Variants in C1orf105 observed in about 807,000 individuals in gnomAD.
The protein encoded by C1orf105 is uncharacterized protein C1orf105.
In C1orf105, 17 loss-of-function variants were observed where a neutral mutation model predicts 20.8. That is an observed-to-expected ratio of 0.82 (90% confidence interval 0.56 to 1.23). C1orf105 has a LOEUF of 1.23. Among genes scored for constraint, C1orf105 ranks in the 50% most tolerant of loss-of-function variants. The probability of loss-of-function intolerance (pLI) is 0.00; values close to 1 mark genes in which losing one functional copy is unlikely to be tolerated. For missense variants in C1orf105, 219 were observed against 213.5 expected (o/e 1.03, Z -0.16); for synonymous variants, 72 against 72.1 (o/e 1.00, Z 0.01).
intron 3 of C1orf105, 125 bp downstream of exon 3, chr1:172,448,656 T>C: frequency 1.7e-6 from 1 of 604,454 alleles, no homozygotes; most frequent in Non-Finnish European, 3.0e-6. Flanking sequence ...CAATAAATAT[T>C]TGTTAAATGA....
At chr1:172,461,402 ACCTGC>A (rs1649683978) in intron 4 of C1orf105, among the ~76,000 whole-genome samples, 2 of 152,230 alleles carry the variant, frequency 1.3e-5, no homozygotes, top group Non-Finnish European at 2.9e-5. Flanking sequence ...GTAGTTGAAC[ACCTGC>A]ACCCACATCT....
At chr1:172,452,829 C>G in intron 3 of C1orf105, 1 of 1,406,056 alleles carries the variant, frequency 7.1e-7, no homozygotes, top group Non-Finnish European at 9.2e-7. Context: ...AATGAGGGCC[C>G]CATTAACATT....
chr1:172,468,302 G>A (rs1263097863), intron 6 of C1orf105, 147 bp from the exon 7 acceptor site: 6 of 585,448 alleles, frequency 1.0e-5, no homozygotes, highest in Non-Finnish European at 1.6e-5. Flanking sequence ...AATAAAAGGT[G>A]GATTTGAAAA....
At position 172,466,970 on chromosome 1, in the gene C1orf105, A is replaced by G. The variant is rs555986870; in HGVS notation, c.407-1479A>G. Among the ~76,000 whole-genome samples, 6 of 152,284 alleles carry G rather than the reference A, an allele frequency of 3.9e-5. No individual in the cohort carries two copies. In the South Asian group the frequency reaches 1.2e-3, roughly 32 times the overall value. On this transcript the variant is annotated intron_variant, in intron 6 of 6. Transcript: ENST00000367727. ...TGCTCTTAGAGGTCATGAAAACGGC[A>G]CTAGGCTAGAAGCGATGAGACCTCG...
chr1:172,461,372 C>A (rs1352261938), intron 4 of C1orf105, among the ~76,000 whole-genome samples: 1 of 152,134 alleles, frequency 6.6e-6, no homozygotes, highest in East Asian at 1.9e-4. Context: ...TCACTTGGTA[C>A]AAGTCACTTA....
intron 4 of C1orf105, among the ~76,000 whole-genome samples, chr1:172,457,962 G>T (rs1463527182): frequency 6.6e-6 from 1 of 152,172 alleles, no homozygotes; most frequent in Non-Finnish European, 1.5e-5. Flanking sequence ...CCTCCCAAGG[G>T]GAGGGACTGC....
chr1:172,442,709 A>G, intron 1 of C1orf105: 1 of 1,156,382 alleles, frequency 8.6e-7, no homozygotes, highest in Non-Finnish European at 1.3e-6. Flanking sequence ...TTTTGAAATG[A>G]GACCTCCCTG....
At chr1:172,442,004 T>C in intron 1 of C1orf105, 1 of 1,614,194 alleles carries the variant, frequency 6.2e-7, no homozygotes. Context: ...AAAATCTGAA[T>C]GGCAAATGTC....
intron 4 of C1orf105, among the ~76,000 whole-genome samples, chr1:172,457,964 A>T (rs1317250252): frequency 6.6e-6 from 1 of 152,204 alleles, no homozygotes; most frequent in Non-Finnish European, 1.5e-5. Context: ...TCCCAAGGGG[A>T]GGGACTGCAG....
At chr1:172,467,400 A>C (rs1650139352) in intron 6 of C1orf105, among the ~76,000 whole-genome samples, 1 of 152,208 alleles carries the variant, frequency 6.6e-6, no homozygotes, top group Non-Finnish European at 1.5e-5. Context: ...AGGAAATAGA[A>C]AGAACTTATC....
At chr1:172,444,253 T>A (rs144595743) in intron 1 of C1orf105, 1 of 985,324 alleles carries the variant, frequency 1.0e-6, no homozygotes, top group Non-Finnish European at 1.2e-6. Context: ...CAATCCCCTA[T>A]TGAAAGATGG....
chr1:172,464,458 C>T (rs1425631576), intron 5 of C1orf105, among the ~76,000 whole-genome samples: 2 of 152,150 alleles, frequency 1.3e-5, no homozygotes, highest in Non-Finnish European at 2.9e-5. Context: ...AGAAATTAAG[C>T]AATTTAAACT....
At chr1:172,452,757 T>C in intron 3 of C1orf105, 2 of 1,299,712 alleles carry the variant, frequency 1.5e-6, no homozygotes, top group South Asian at 1.7e-5. Flanking sequence ...AGGCTACACA[T>C]AGGTTGCTGT....
intron 1 of C1orf105, among the ~76,000 whole-genome samples, chr1:172,429,966 A>G (rs1416427406): frequency 6.6e-6 from 1 of 151,884 alleles, no homozygotes; most frequent in Non-Finnish European, 1.5e-5. Context: ...TTGCCACACC[A>G]CCCTCCAGCC....
chr1:172,434,495 G>C (rs1393642378), intron 1 of C1orf105, among the ~76,000 whole-genome samples: 1 of 152,198 alleles, frequency 6.6e-6, no homozygotes, highest in Non-Finnish European at 1.5e-5. Flanking sequence ...ACCTGCTCCT[G>C]AATGACTACT....
chr1:172,462,103 A>T, intron 4 of C1orf105, 75 bp from the exon 5 acceptor site: 1 of 1,102,320 alleles, frequency 9.1e-7, no homozygotes. Flanking sequence ...ACACAAATTC[A>T]CTAAAGTGGT....
At chr1:172,446,104 A>G (rs1647973199) in intron 2 of C1orf105, among the ~76,000 whole-genome samples, 3 of 152,198 alleles carry the variant, frequency 2.0e-5, no homozygotes, top group Non-Finnish European at 4.4e-5. Context: ...CATTCTCAGT[A>G]AATAGGTAGA....
In C1orf105 at chr1:172,463,657, C is replaced by G. The variant is rs1199780275; in HGVS notation, c.341+1412C>G. On this transcript the variant is annotated intron_variant, in intron 5 of 6. Coordinates refer to ENST00000367727, the MANE Select transcript of C1orf105 (RefSeq NM_139240.4). ...CAGAGATTTCTGAGCAAAATTTCAC[C>G]CTTCTGTGAAATAACCTTTCGAAAT... is the stretch of plus-strand genomic sequence containing the variant. Among the ~76,000 whole-genome samples the G allele has an allele frequency of 2.0e-5, 3 of 152,158 alleles. No individual in the cohort carries two copies. The East Asian group carries it at 5.8e-4, about 29-fold the overall frequency.
intron 1 of C1orf105, among the ~76,000 whole-genome samples, chr1:172,421,971 G>T (rs1222854769): frequency 6.6e-6 from 1 of 152,106 alleles, no homozygotes; most frequent in Non-Finnish European, 1.5e-5. Flanking sequence ...CCCATCCCAG[G>T]TTTCAGAAAC....
Sources: gnomAD v4.1 joint callset for allele counts (sites outside exome capture counted in the v4.1 genomes callset) on GRCh38, gnomAD v4.1.1 for gene constraint, MANE v1.5 for transcripts, NCBI Gene and HGNC (gene_info 2026-07-23, HGNC 2026-07-21) for gene names.